DISC1: variants seen among roughly 807,000 people sequenced by gnomAD.
DISC1 encodes the protein DISC1 scaffold protein, also known as disrupted in schizophrenia 1 protein.
A neutral mutation model predicts 84.5 loss-of-function variants in DISC1; 57 were observed. The observed-to-expected ratio is 0.67, with a 90% confidence interval of 0.55 to 0.84. DISC1 has a LOEUF of 0.84. Ranked by LOEUF, DISC1 falls within the 40% of genes least tolerant of loss-of-function variation. DISC1 has a pLI of 0.00. For missense variants in DISC1, 1,000 were observed against 1,057.8 expected (o/e 0.95, Z 0.76); for synonymous variants, 411 against 415.2 (o/e 0.99, Z 0.12).
At chr1:231,812,071 T>A (rs937995994) in intron 8 of DISC1, among the ~76,000 whole-genome samples, 2 of 152,114 alleles carry the variant, frequency 1.3e-5, no homozygotes, top group African/African-American at 4.8e-5. Flanking sequence ...GTATTTTTTT[T>A]AAGGGATGGG....
intron 2 of DISC1, 109 bp from the exon 3 acceptor site, chr1:231,701,842 GAGAA>G: frequency 1.2e-6 from 1 of 845,382 alleles, no homozygotes; most frequent in South Asian, 2.1e-5. Flanking sequence ...TTTTTAAAAA[GAGAA>G]TGAAGAAGTT....
chr1:231,792,586 G>T (rs2078432801), intron 6 of DISC1, among the ~76,000 whole-genome samples: 1 of 152,176 alleles, frequency 6.6e-6, no homozygotes, highest in South Asian at 2.1e-4. Flanking sequence ...ACTCTAACGA[G>T]CCCAGCAAGG....
chr1:231,773,315 A>G (rs2076695284), intron 6 of DISC1, among the ~76,000 whole-genome samples: 1 of 152,188 alleles, frequency 6.6e-6, no homozygotes, highest in South Asian at 2.1e-4. Flanking sequence ...AGGATGAGTC[A>G]CAGAGAAGGC....
At chr1:231,939,572 A>G (rs1409043903) in intron 9 of DISC1, among the ~76,000 whole-genome samples, 1 of 151,712 alleles carries the variant, frequency 6.6e-6, no homozygotes, top group East Asian at 1.9e-4. Context: ...CTCCATCTTT[A>G]TTTCTCAAAA....
chr1:231,902,379 T>C (rs1447703469), intron 9 of DISC1, among the ~76,000 whole-genome samples: 3 of 152,120 alleles, frequency 2.0e-5, no homozygotes, highest in Non-Finnish European at 4.4e-5. Flanking sequence ...GGTGGGCAGA[T>C]CATCTGATGT....
At chr1:231,750,695 G>T (rs890405853) in intron 4 of DISC1, 2 of 625,384 alleles carry the variant, frequency 3.2e-6, no homozygotes, top group Non-Finnish European at 4.0e-6. Flanking sequence ...GGGAGGCAAG[G>T]GTGGCTCCCA....
intron 1 of DISC1, among the ~76,000 whole-genome samples, chr1:231,645,311 C>T (rs141200191): frequency 1.3e-5 from 2 of 152,154 alleles, no homozygotes; most frequent in African/African-American, 4.8e-5. Context: ...CAAAGCCTGG[C>T]CATAGCTCCC....
intron 9 of DISC1, among the ~76,000 whole-genome samples, chr1:231,943,197 C>T (rs575938383): frequency 6.6e-6 from 1 of 152,356 alleles, no homozygotes; most frequent in Non-Finnish European, 1.5e-5. Flanking sequence ...ATTATTCAGG[C>T]ATGATGAGGC....
intron 3 of DISC1, among the ~76,000 whole-genome samples, chr1:231,744,854 T>C (rs554784929): frequency 5.3e-5 from 8 of 152,306 alleles, no homozygotes; most frequent in African/African-American, 1.9e-4. Context: ...ACACTACCTG[T>C]TAAACTCATA....
At chr1:231,799,422 A>G (rs2079008794) in intron 7 of DISC1, among the ~76,000 whole-genome samples, 1 of 152,114 alleles carries the variant, frequency 6.6e-6, no homozygotes, top group East Asian at 1.9e-4. Context: ...CCCTGCTCAC[A>G]TAGAGCTCGT....
chr1:231,671,808 T>C (rs2062646025), intron 1 of DISC1, among the ~76,000 whole-genome samples: 1 of 152,214 alleles, frequency 6.6e-6, no homozygotes, highest in South Asian at 2.1e-4. Context: ...ACCTCTTGAT[T>C]CCTCAGTTTT....
At chr1:231,692,157 T>C (rs922143832) in intron 1 of DISC1, among the ~76,000 whole-genome samples, 18 of 152,206 alleles carry the variant, frequency 1.2e-4, no homozygotes, top group Non-Finnish European at 1.5e-4. Context: ...GAGCTTTAGC[T>C]GTATTATTGG....
rs147954872 is a variant in DISC1 at position 231,881,000 on chromosome 1, G to A, written c.1981+62483G>A. On this transcript the variant is annotated intron_variant, in intron 9 of 12. Transcript: ENST00000439617. Reference sequence around the variant, plus strand: ...AGGCAGCAAACAACTCTGAGGAAGGGGTTGGAGCCCAGGCTGGCCTCATGA... The same window carrying A: ...AGGCAGCAAACAACTCTGAGGAAGGAGTTGGAGCCCAGGCTGGCCTCATGA... Among the ~76,000 whole-genome samples, 698 of 152,306 alleles carry A rather than the reference G, an allele frequency of 4.6e-3. 7 individuals carry two copies. The highest frequency in any genetic ancestry group is 0.016 in the African/African-American group (648 of 41,570).
At chr1:231,932,977 G>A (rs2090761563) in intron 9 of DISC1, among the ~76,000 whole-genome samples, 1 of 152,162 alleles carries the variant, frequency 6.6e-6, no homozygotes, top group African/African-American at 2.4e-5. Context: ...AACATCCAAT[G>A]TAATCATATG....
intron 10 of DISC1, among the ~76,000 whole-genome samples, chr1:231,969,161 CTCCTGATTA>C (rs1480480336): frequency 1.3e-4 from 19 of 147,280 alleles, no homozygotes; most frequent in African/African-American, 4.5e-4. Context: ...TCTGCCAAAC[CTCCTGATTA>C]TCCAAACACT....
chr1:231,781,899 G>A (rs1466992183), intron 6 of DISC1, among the ~76,000 whole-genome samples: 1 of 152,142 alleles, frequency 6.6e-6, no homozygotes, highest in East Asian at 1.9e-4. Context: ...GTGACTGCTG[G>A]GAATATCCCC....
intron 9 of DISC1, among the ~76,000 whole-genome samples, chr1:231,930,346 C>T (rs1392173635): frequency 6.6e-6 from 1 of 152,094 alleles, no homozygotes; most frequent in Non-Finnish European, 1.5e-5. Flanking sequence ...GTTCTTTTCA[C>T]CCTAACATTT....
chr1:231,648,665 C>G (rs187260428), intron 1 of DISC1, among the ~76,000 whole-genome samples: 3 of 151,804 alleles, frequency 2.0e-5, no homozygotes, highest in East Asian at 3.9e-4. Flanking sequence ...TGGTAGAATT[C>G]GGCTGTGAAC....
chr1:231,642,006 G>A (rs974434246), intron 1 of DISC1, among the ~76,000 whole-genome samples: 1 of 152,340 alleles, frequency 6.6e-6, no homozygotes, highest in South Asian at 2.1e-4. Context: ...AGGGGGCGGC[G>A]CTTGTCGGGG....
Sources: gnomAD v4.1 joint callset for allele counts (sites outside exome capture counted in the v4.1 genomes callset) on GRCh38, gnomAD v4.1.1 for gene constraint, MANE v1.5 for transcripts, NCBI Gene and HGNC (gene_info 2026-07-23, HGNC 2026-07-21) for gene names.